Variants in NFYC observed in about 807,000 individuals in gnomAD.
NFYC encodes the protein CAAT box DNA-binding protein subunit C.
Under a neutral mutation model 53.1 loss-of-function variants are expected in NFYC, and 25 were observed. The ratio of observed to expected loss-of-function variants is 0.47; its 90% CI spans 0.34 to 0.66. The LOEUF is 0.66. NFYC is among the 30% of genes least tolerant of loss of function. The pLI, the probability that NFYC is intolerant of heterozygous loss-of-function variation, is 0.01. For synonymous variants in NFYC, 145 were observed against 152.6 expected (o/e 0.95, Z 0.37); for missense variants, 260 against 422.7 (o/e 0.62, Z 3.38).
At chr1:40,755,823 G>A (rs1403096524) in intron 5 of NFYC, among the ~76,000 whole-genome samples, 1 of 152,184 alleles carries the variant, frequency 6.6e-6, no homozygotes, top group Non-Finnish European at 1.5e-5. Flanking sequence ...CATAGGAGGA[G>A]CTCTTGTCCT....
chr1:40,696,281 C>T (rs560535363), intron 1 of NFYC, among the ~76,000 whole-genome samples: 1 of 152,286 alleles, frequency 6.6e-6, no homozygotes, highest in Admixed American at 6.5e-5. Context: ...CTTCGGCCTC[C>T]TGAAGTGGTG....
At chr1:40,722,648 C>T (rs905111246) in intron 1 of NFYC, among the ~76,000 whole-genome samples, 6 of 152,196 alleles carry the variant, frequency 3.9e-5, no homozygotes, top group Non-Finnish European at 8.8e-5. Flanking sequence ...GGCCTTCTAA[C>T]ATGTGTTTTA....
intron 1 of NFYC, among the ~76,000 whole-genome samples, chr1:40,704,098 A>T (rs1210174279): frequency 2.8e-5 from 4 of 142,040 alleles, no homozygotes; most frequent in African/African-American, 1.1e-4. Context: ...TTTTTTTTGG[A>T]GACAGCTCTG....
intron 1 of NFYC, among the ~76,000 whole-genome samples, chr1:40,696,998 C>G (rs1393118582): frequency 6.6e-6 from 1 of 152,146 alleles, no homozygotes. Flanking sequence ...CCAAAAAGTG[C>G]CTATGGGAGA....
chr1:40,714,623 C>CT (rs1012405508), intron 1 of NFYC, among the ~76,000 whole-genome samples: 2 of 151,856 alleles, frequency 1.3e-5, no homozygotes, highest in African/African-American at 2.4e-5. Context: ...GTTTTCTTTC[C>CT]TTTTTTTTGG....
At chr1:40,738,770 C>G in intron 1 of NFYC, 66 bp from the exon 2 acceptor site, 1 of 1,135,814 alleles carries the variant, frequency 8.8e-7, no homozygotes. Flanking sequence ...TATACAAATG[C>G]CTAATCTGGA....
At chr1:40,724,102 G>A (rs1015742980) in intron 1 of NFYC, among the ~76,000 whole-genome samples, 2 of 152,202 alleles carry the variant, frequency 1.3e-5, no homozygotes, top group African/African-American at 4.8e-5. Flanking sequence ...GGACATGGTG[G>A]CTCACGCCTG....
At chr1:40,737,262 C>T (rs1046086681) in intron 1 of NFYC, among the ~76,000 whole-genome samples, 4 of 152,026 alleles carry the variant, frequency 2.6e-5, no homozygotes, top group African/African-American at 9.7e-5. Context: ...TTCATCTTCC[C>T]TCCTTTGTCA....
At chr1:40,719,619 A>G (rs1190323308) in intron 1 of NFYC, among the ~76,000 whole-genome samples, 1 of 152,224 alleles carries the variant, frequency 6.6e-6, no homozygotes, top group Non-Finnish European at 1.5e-5. Flanking sequence ...TGAAATGTTT[A>G]AGAATCTGGT....
chr1:40,763,661 A>T (rs1474176365), intron 7 of NFYC, among the ~76,000 whole-genome samples: 2 of 152,010 alleles, frequency 1.3e-5, no homozygotes, highest in Non-Finnish European at 2.9e-5. Flanking sequence ...GTACTTATTT[A>T]TATATATGCG....
intron 1 of NFYC, among the ~76,000 whole-genome samples, chr1:40,731,112 C>T (rs180710604): frequency 1.2e-4 from 19 of 152,166 alleles, no homozygotes; most frequent in South Asian, 4.1e-4. Context: ...CCACCTTGTG[C>T]CCTGAACTGT....
At chr1:40,722,687 G>A (rs1644369457) in intron 1 of NFYC, among the ~76,000 whole-genome samples, 1 of 152,208 alleles carries the variant, frequency 6.6e-6, no homozygotes, top group African/African-American at 2.4e-5. Flanking sequence ...TGCTCTGTGG[G>A]ATGTTGCTTT....
intron 5 of NFYC, chr1:40,754,285 T>C: frequency 3.7e-6 from 2 of 533,556 alleles, no homozygotes; most frequent in Admixed American, 3.9e-5. Context: ...ATGAGGGCCT[T>C]TGGATTAGCA....
chr1:40,712,498 C>G (rs1643962533), intron 1 of NFYC: 1 of 151,882 alleles, frequency 6.6e-6, no homozygotes. Context: ...AGATGTTTAC[C>G]AAGCAGAGGT....
chr1:40,762,182 T>G (rs1261320065), intron 6 of NFYC, among the ~76,000 whole-genome samples: 2 of 152,232 alleles, frequency 1.3e-5, no homozygotes, highest in African/African-American at 4.8e-5. Context: ...TTTAGAAAGT[T>G]AGAGTTCTTG....
At chr1:40,747,658 G>T in intron 3 of NFYC, 53 bp downstream of exon 3, 1 of 1,177,454 alleles carries the variant, frequency 8.5e-7, no homozygotes, top group Non-Finnish European at 1.3e-6. Context: ...TGATGGGTAG[G>T]TTATTGCTCA....
At chr1:40,714,103 A>T (rs890379372) in intron 1 of NFYC, among the ~76,000 whole-genome samples, 2 of 152,222 alleles carry the variant, frequency 1.3e-5, no homozygotes, top group Admixed American at 6.5e-5. Context: ...CAAACACATC[A>T]CCTGCAAGCC....
At position 40,770,184 on chromosome 1, in the gene NFYC, A is replaced by T; in HGVS notation, c.889-525A>T. 1.7e-6 allele frequency: 1 copy of T among 580,006 alleles called. No individual in the cohort carries two copies. Among genetic ancestry groups the T allele is most frequent in the Non-Finnish European group, 3.0e-6 (1 of 329,334 alleles). The allele number at this position is 580,006 out of a possible 1,614,324, so 35.9% of individuals were successfully genotyped here. ...TCCACCCCTGGAGCGTCTTGGCTATAGTTAAGTGTTTAATACCAGGCCACC... is the reference window on the plus strand; with the variant it reads ...TCCACCCCTGGAGCGTCTTGGCTATTGTTAAGTGTTTAATACCAGGCCACC... On this transcript the variant is annotated intron_variant, in intron 9 of 9. Transcript: ENST00000447388. This position sits in a 1 kb window ranked among gnomAD's most constrained non-coding sequence, Gnocchi z 5.3.
At chr1:40,725,823 T>C (rs535225666) in intron 1 of NFYC, among the ~76,000 whole-genome samples, 2 of 152,316 alleles carry the variant, frequency 1.3e-5, no homozygotes, top group South Asian at 2.1e-4. Flanking sequence ...GCTAACATTA[T>C]AATAAAGAGA....
Sources: allele counts gnomAD v4.1 joint callset (sites outside exome capture counted in the v4.1 genomes callset), GRCh38; gene constraint gnomAD v4.1.1; non-coding constraint Gnocchi (gnomAD v3.1); transcripts MANE v1.5; gene names NCBI Gene and HGNC (gene_info 2026-07-23, HGNC 2026-07-21).